PABPC4L: variants seen among roughly 807,000 people sequenced by gnomAD.
The protein encoded by PABPC4L is poly(A) binding protein cytoplasmic 4 like.
For synonymous variants in PABPC4L, 169 were observed against 164.1 expected, an observed-to-expected ratio of 1.03 and a Z score of -0.23; for missense variants, 452 against 451.4, an observed-to-expected ratio of 1.00 and a Z score of -0.01.
chr4:134,066,386 T>A, the PABPC4L span, among the ~76,000 whole-genome samples: 1 of 152,120 alleles, frequency 6.6e-6, no homozygotes, highest in Non-Finnish European at 1.5e-5. Flanking sequence ...TTTTTTAGAT[T>A]GATTTTGCAT....
the PABPC4L span, among the ~76,000 whole-genome samples, chr4:134,138,072 A>G: frequency 6.6e-6 from 1 of 151,688 alleles, no homozygotes; most frequent in African/African-American, 2.4e-5. Flanking sequence ...ATTTTCAAAG[A>G]GTTAAGATTT....
At chr4:134,039,708 T>C in the PABPC4L span, among the ~76,000 whole-genome samples, 1 of 152,132 alleles carries the variant, frequency 6.6e-6, no homozygotes, top group Admixed American at 6.6e-5. Flanking sequence ...GTTGAGCCTA[T>C]GTGTGTCTTT....
chr4:134,118,299 C>CA, the PABPC4L span, among the ~76,000 whole-genome samples: 1 of 151,864 alleles, frequency 6.6e-6, no homozygotes, highest in South Asian at 2.1e-4. Flanking sequence ...AATGATGGTT[C>CA]AATTGAAAAT....
chr4:134,017,306 A>G, the PABPC4L span, among the ~76,000 whole-genome samples: 1 of 152,176 alleles, frequency 6.6e-6, no homozygotes, highest in Non-Finnish European at 1.5e-5. Flanking sequence ...GGAATGCTAC[A>G]GGGTACAGTC....
At chr4:133,954,725 G>T in the PABPC4L span, among the ~76,000 whole-genome samples, 1 of 152,064 alleles carries the variant, frequency 6.6e-6, no homozygotes, top group Admixed American at 6.5e-5. Flanking sequence ...ATGCAAAATT[G>T]AACAAGGCAT....
chr4:134,069,692 T>C, the PABPC4L span, among the ~76,000 whole-genome samples: 29 of 152,336 alleles, frequency 1.9e-4, no homozygotes, highest in East Asian at 4.4e-3. Flanking sequence ...TTTCTTAAAA[T>C]GACCATTTCA....
At chr4:134,147,749 G>GTGTGTGTGT in the PABPC4L span, among the ~76,000 whole-genome samples, 85 of 149,036 alleles carry the variant, frequency 5.7e-4, no homozygotes, top group African/African-American at 1.9e-3. Context: ...GTGTGTGTGT[G>GTGTGTGTGT]TGTTGTTGTT....
chr4:133,990,072 G>A, the PABPC4L span, among the ~76,000 whole-genome samples: 7 of 152,034 alleles, frequency 4.6e-5, no homozygotes, highest in South Asian at 1.0e-3. Context: ...CAACACATGG[G>A]GATCATAGGA....
the PABPC4L span, among the ~76,000 whole-genome samples, chr4:134,158,869 T>C: frequency 6.6e-6 from 1 of 152,230 alleles, no homozygotes; most frequent in Non-Finnish European, 1.5e-5. Context: ...GTATAGCCTA[T>C]AACACACTCA....
the PABPC4L span, among the ~76,000 whole-genome samples, chr4:133,956,640 A>AT: frequency 6.6e-6 from 1 of 152,142 alleles, no homozygotes; most frequent in Non-Finnish European, 1.5e-5. Flanking sequence ...ATCTCTGAAG[A>AT]TAGTGTATTA....
chr4:134,083,936 A>C, the PABPC4L span, among the ~76,000 whole-genome samples: 1 of 152,152 alleles, frequency 6.6e-6, no homozygotes, highest in Non-Finnish European at 1.5e-5. Flanking sequence ...ACATTTATTA[A>C]AGTGTGATTC....
chr4:134,140,827 T>C, the PABPC4L span, among the ~76,000 whole-genome samples: 1 of 151,668 alleles, frequency 6.6e-6, no homozygotes, highest in Non-Finnish European at 1.5e-5. Context: ...TGGATGGTAG[T>C]AGTGGATATG....
the PABPC4L span, among the ~76,000 whole-genome samples, chr4:134,187,317 G>A: frequency 6.6e-6 from 1 of 152,066 alleles, no homozygotes; most frequent in African/African-American, 2.4e-5. Context: ...TGATAGACTG[G>A]ATTAAGAAAA....
the PABPC4L span, among the ~76,000 whole-genome samples, chr4:134,132,176 A>G: frequency 3.9e-5 from 6 of 152,040 alleles, no homozygotes; most frequent in Admixed American, 2.0e-4. Context: ...ATGACCAAGA[A>G]CCCAAAAGCA....
At chr4:133,988,579 C>T in the PABPC4L span, among the ~76,000 whole-genome samples, 2 of 152,220 alleles carry the variant, frequency 1.3e-5, no homozygotes, top group African/African-American at 4.8e-5. Context: ...CTTTCAGGAG[C>T]CCTGCCCTGT....
At chr4:134,095,278 C>A in the PABPC4L span, among the ~76,000 whole-genome samples, 1 of 151,740 alleles carries the variant, frequency 6.6e-6, no homozygotes, top group South Asian at 2.1e-4. Flanking sequence ...TGTTATCTTT[C>A]AAAAATATTT....
At chr4:134,078,436 G>A in the PABPC4L span, among the ~76,000 whole-genome samples, 4 of 152,092 alleles carry the variant, frequency 2.6e-5, no homozygotes, top group African/African-American at 9.7e-5. Flanking sequence ...TGTTACTATT[G>A]CTTGTGCTTG....
the PABPC4L span, among the ~76,000 whole-genome samples, chr4:134,128,340 C>A: frequency 6.6e-6 from 1 of 152,110 alleles, no homozygotes; most frequent in Non-Finnish European, 1.5e-5. Context: ...GCAAAAAGAT[C>A]ATTGCCTAGG....
the PABPC4L span, among the ~76,000 whole-genome samples, chr4:133,957,507 C>A: frequency 6.6e-6 from 1 of 152,136 alleles, no homozygotes; most frequent in Non-Finnish European, 1.5e-5. Context: ...GAATATGGTG[C>A]AAGTTGTCAG....
Sources: gnomAD v4.1 joint callset for allele counts (sites outside exome capture counted in the v4.1 genomes callset) on GRCh38, gnomAD v4.1.1 for gene constraint, MANE v1.5 for transcripts, NCBI Gene and HGNC (gene_info 2026-07-23, HGNC 2026-07-21) for gene names.